Variants in TMCO5A observed in about 807,000 individuals in gnomAD.
TMCO5A encodes the protein transmembrane and coiled-coil domain-containing protein 5A.
A neutral mutation model predicts 42.3 loss-of-function variants in TMCO5A; 34 were observed. The observed-to-expected ratio is 0.80, with a 90% CI of 0.61 to 1.07. The LOEUF is 1.07. Among genes scored for constraint, TMCO5A ranks in the 50% least tolerant of loss-of-function variants. TMCO5A has a pLI of 0.00. For missense variants in TMCO5A, 357 were observed against 327.9 expected, an observed-to-expected ratio of 1.09 and a Z score of -0.69; for synonymous variants, 131 against 115.6, an observed-to-expected ratio of 1.13 and a Z score of -0.86.
rs1413742417 is a variant in TMCO5A, at chr15:37,947,853, T to G, written c.668+157T>G. Among the ~76,000 whole-genome samples the G allele has an allele frequency of 4.6e-5, 7 of 152,240 alleles. No homozygotes were observed. The East Asian group carries it at 1.2e-3, about 25-fold the overall frequency. On this transcript the variant is annotated intron_variant, in intron 11 of 11. Transcript: ENST00000319669. ...CAGCAAACTAATGTCTTTGACTGTATTTCTCAATTCTAATGTTATGACTTA... is the reference window on the plus strand; with the variant it reads ...CAGCAAACTAATGTCTTTGACTGTAGTTCTCAATTCTAATGTTATGACTTA...
At chr15:37,937,250 C>A (rs1380049796) in intron 4 of TMCO5A, 96 bp from the exon 5 acceptor site, 2 of 1,426,334 alleles carry the variant, frequency 1.4e-6, no homozygotes, top group Non-Finnish European at 2.0e-6. Flanking sequence ...CAAGTTACTG[C>A]AGGAAAATAT....
At chr15:37,967,501 A>G (rs908948282) in exon 12 of TMCO5A, 1 of 152,132 alleles carries the variant, frequency 6.6e-6, no homozygotes, top group Non-Finnish European at 1.5e-5. Context: ...CCAAACTGAG[A>G]TTACTTTTAT....
chr15:37,972,858 G>T, the TMCO5A span, among the ~76,000 whole-genome samples: 31 of 152,114 alleles, frequency 2.0e-4, no homozygotes, highest in Non-Finnish European at 3.4e-4. Context: ...TTGTGAGGAC[G>T]TATGTCTACA....
chr15:38,030,739 C>T, the TMCO5A span, among the ~76,000 whole-genome samples: 1 of 152,148 alleles, frequency 6.6e-6, no homozygotes, highest in Non-Finnish European at 1.5e-5. Flanking sequence ...TTGCAGTTCC[C>T]CCAAACAAGC....
chr15:38,028,570 T>G, the TMCO5A span, among the ~76,000 whole-genome samples: 1 of 152,258 alleles, frequency 6.6e-6, no homozygotes, highest in East Asian at 1.9e-4. Context: ...CAGATTAATT[T>G]CTCCATGAAA....
At chr15:38,019,581 C>A in the TMCO5A span, among the ~76,000 whole-genome samples, 1 of 152,062 alleles carries the variant, frequency 6.6e-6, no homozygotes, top group South Asian at 2.1e-4. Flanking sequence ...TGTCAGCATC[C>A]CCCACTAGAG....
chr15:38,013,730 A>C, the TMCO5A span, among the ~76,000 whole-genome samples: 1 of 152,194 alleles, frequency 6.6e-6, no homozygotes, highest in Non-Finnish European at 1.5e-5. Context: ...TTTCTATTTT[A>C]TTTTTCCTGA....
the TMCO5A span, among the ~76,000 whole-genome samples, chr15:37,977,078 T>C: frequency 6.6e-6 from 1 of 152,202 alleles, no homozygotes; most frequent in African/African-American, 2.4e-5. Flanking sequence ...AGCCTGGTTC[T>C]TTCTTAAAAT....
the TMCO5A span, among the ~76,000 whole-genome samples, chr15:37,996,150 A>T: frequency 6.6e-6 from 1 of 152,166 alleles, no homozygotes; most frequent in Admixed American, 6.6e-5. Context: ...CATTTTAGCA[A>T]CCCTGGGGCG....
At chr15:38,002,540 CT>C in the TMCO5A span, among the ~76,000 whole-genome samples, 1 of 150,618 alleles carries the variant, frequency 6.6e-6, no homozygotes, top group South Asian at 2.1e-4. Context: ...CTTTTTTATT[CT>C]TTTTTTTCTT....
chr15:38,015,702 C>T, the TMCO5A span, among the ~76,000 whole-genome samples: 3 of 152,118 alleles, frequency 2.0e-5, no homozygotes, highest in Non-Finnish European at 4.4e-5. Flanking sequence ...TACATCCAGA[C>T]AATGGACTAT....
intron 11 of TMCO5A, chr15:37,966,548 G>C (rs184518738): frequency 1.0e-5 from 7 of 702,204 alleles, no homozygotes; most frequent in Non-Finnish European, 5.2e-6. Flanking sequence ...GAATAGACTT[G>C]GGGCTTTAGG....
intron 5 of TMCO5A, 85 bp downstream of exon 5, chr15:37,937,481 A>C: frequency 6.9e-7 from 1 of 1,450,988 alleles, no homozygotes; most frequent in South Asian, 1.2e-5. Flanking sequence ...GTGATCATAG[A>C]GGAACCCATA....
chr15:37,980,330 A>G, the TMCO5A span, among the ~76,000 whole-genome samples: 1 of 152,142 alleles, frequency 6.6e-6, no homozygotes, highest in Admixed American at 6.5e-5. Context: ...CCAGGGGTCT[A>G]AGATCCTCAG....
At chr15:38,031,010 T>C in the TMCO5A span, among the ~76,000 whole-genome samples, 1 of 152,188 alleles carries the variant, frequency 6.6e-6, no homozygotes, top group Non-Finnish European at 1.5e-5. Flanking sequence ...TGTAAGTAGA[T>C]CTCATCACCT....
Position 37,958,596 on chromosome 15 carries a change from G to T in TMCO5A, c.669-8029G>T, listed in dbSNP as rs192253714. Among the ~76,000 whole-genome samples the T allele has an allele frequency of 4.5e-4, 69 of 151,984 alleles. 1 individual carries two copies. The highest frequency in any genetic ancestry group is 1.5e-3 in the African/African-American group (62 of 41,488). ...ACCATCTCACACCAGTTAGAATGGCGATCATTAAAAAGTCAGGAAACAACA... is the reference window on the plus strand; with the variant it reads ...ACCATCTCACACCAGTTAGAATGGCTATCATTAAAAAGTCAGGAAACAACA... On this transcript the variant is annotated intron_variant, in intron 11 of 11. Coordinates refer to the TMCO5A transcript ENST00000559502.
chr15:37,937,596 GA>G (rs1043210809), intron 5 of TMCO5A, among the ~76,000 whole-genome samples, 200 bp downstream of exon 5: 11 of 152,070 alleles, frequency 7.2e-5, no homozygotes, highest in African/African-American at 2.7e-4. Flanking sequence ...AGGCAAGAGG[GA>G]AAAGGAATGG....
chr15:37,971,351 G>C (rs1229001125), downstream of TMCO5A, among the ~76,000 whole-genome samples: 2 of 152,164 alleles, frequency 1.3e-5, no homozygotes, highest in Non-Finnish European at 2.9e-5. Context: ...AAGGCACCAA[G>C]TCCCCAGACT....
downstream of TMCO5A, among the ~76,000 whole-genome samples, chr15:37,952,947 G>A (rs1890195946): frequency 6.6e-6 from 1 of 152,210 alleles, no homozygotes; most frequent in Admixed American, 6.5e-5. Context: ...TAGGCCTATG[G>A]TGGCAGTGGC....
Sources: gnomAD v4.1 joint callset for allele counts (sites outside exome capture counted in the v4.1 genomes callset) on GRCh38, gnomAD v4.1.1 for gene constraint, MANE v1.5 for transcripts, NCBI Gene and HGNC (gene_info 2026-07-23, HGNC 2026-07-21) for gene names.